Variants in ROBO2 observed in about 807,000 individuals in gnomAD.
ROBO2 encodes roundabout guidance receptor 2, also known as roundabout homolog 2.
Under a neutral mutation model 160.8 loss-of-function variants are expected in ROBO2, and 53 were observed. The ratio of observed to expected loss-of-function variants is 0.33; its 90% confidence interval spans 0.26 to 0.41. The LOEUF (loss-of-function observed/expected upper bound fraction) is 0.41, where lower values mean the gene tolerates loss of function less well. Ranked by LOEUF, ROBO2 falls within the 10% of genes least tolerant of loss-of-function variation. The probability of loss-of-function intolerance (pLI) is 1.00; values close to 1 mark genes in which losing one functional copy is unlikely to be tolerated. For missense variants in ROBO2, 1,577 were observed against 1,722.4 expected, an observed-to-expected ratio of 0.92 and a Z score of 1.49; for synonymous variants, 664 against 611.7, an observed-to-expected ratio of 1.09 and a Z score of -1.26.
intron 1 of ROBO2, among the ~76,000 whole-genome samples, chr3:77,085,248 G>T (rs1020493613): frequency 6.6e-6 from 1 of 152,048 alleles, no homozygotes; most frequent in Admixed American, 6.6e-5. Flanking sequence ...TATTAAAGAC[G>T]TAAATTTATA....
At chr3:77,222,628 C>A (rs559367863) in intron 2 of ROBO2, among the ~76,000 whole-genome samples, 1 of 152,172 alleles carries the variant, frequency 6.6e-6, no homozygotes, top group Non-Finnish European at 1.5e-5. Flanking sequence ...TTGGAAACAA[C>A]TGCTGTTCAA....
chr3:76,060,701 TG>T (rs1433164331), intron 2 of ROBO2, among the ~76,000 whole-genome samples: 2 of 152,206 alleles, frequency 1.3e-5, no homozygotes, highest in African/African-American at 4.8e-5. Context: ...TTGCTTAAGG[TG>T]TCACACCAAT....
intron 2 of ROBO2, among the ~76,000 whole-genome samples, chr3:76,840,653 AT>A (rs2068159985): frequency 1.3e-5 from 1 of 79,422 alleles, no homozygotes. Flanking sequence ...TTTTATATAT[AT>A]ATATATATAT....
chr3:76,231,521 A>G (rs1704620568), intron 2 of ROBO2, among the ~76,000 whole-genome samples: 2 of 152,148 alleles, frequency 1.3e-5, no homozygotes, highest in African/African-American at 2.4e-5. Flanking sequence ...CTCTTCTGAA[A>G]TTGCCCATTC....
chr3:76,047,593 G>A (rs543808839), intron 2 of ROBO2, among the ~76,000 whole-genome samples: 4 of 152,308 alleles, frequency 2.6e-5, no homozygotes, highest in East Asian at 1.9e-4. Flanking sequence ...GGATTTCTGC[G>A]TGATGACAAG....
intron 2 of ROBO2, among the ~76,000 whole-genome samples, chr3:76,784,470 G>T (rs930400040): frequency 1.3e-5 from 2 of 151,132 alleles, no homozygotes; most frequent in African/African-American, 4.8e-5. Flanking sequence ...ATTTAAACTA[G>T]CATGCCTTCT....
intron 1 of ROBO2, among the ~76,000 whole-genome samples, chr3:77,060,275 G>A (rs1316099845): frequency 6.6e-6 from 1 of 152,122 alleles, no homozygotes; most frequent in Non-Finnish European, 1.5e-5. Context: ...TCCAGCTCAT[G>A]GCATTTCAGG....
intron 2 of ROBO2, among the ~76,000 whole-genome samples, chr3:77,393,092 C>T (rs112548103): frequency 1.1e-4 from 17 of 152,090 alleles, no homozygotes; most frequent in Middle Eastern, 6.8e-3. Context: ...ATATTTTAAA[C>T]CATATTTAAG....
chr3:75,922,496 CAT>C (rs576477848), intron 1 of ROBO2, among the ~76,000 whole-genome samples: 25 of 151,966 alleles, frequency 1.6e-4, no homozygotes, highest in Non-Finnish European at 3.5e-4. Context: ...ATTCACTTGA[CAT>C]ATTTAAAATA....
At chr3:77,023,098 ACATGTTGTGGG>A (rs2149515257) in intron 2 of ROBO2, among the ~76,000 whole-genome samples, 1 of 152,212 alleles carries the variant, frequency 6.6e-6, no homozygotes, top group African/African-American at 2.4e-5. Flanking sequence ...CAGAATTCCC[ACATGTTGTGGG>A]AGGGACCCAG....
chr3:76,289,457 G>C (rs1181621687), intron 2 of ROBO2, among the ~76,000 whole-genome samples: 1 of 152,050 alleles, frequency 6.6e-6, no homozygotes, highest in Non-Finnish European at 1.5e-5. Context: ...TTATTCTGCT[G>C]ATAGCTTTGT....
chr3:76,992,445 A>G (rs2149377505), intron 2 of ROBO2, among the ~76,000 whole-genome samples: 1 of 150,858 alleles, frequency 6.6e-6, no homozygotes, highest in South Asian at 2.1e-4. Flanking sequence ...CACATCAGTT[A>G]CCATTACTGA....
chr3:76,790,688 AT>A (rs2063301572), intron 2 of ROBO2, among the ~76,000 whole-genome samples: 1 of 151,750 alleles, frequency 6.6e-6, no homozygotes, highest in African/African-American at 2.4e-5. Flanking sequence ...ATATATTACT[AT>A]TTTAAAAGAA....
chr3:75,930,950 A>G (rs1050749824), intron 1 of ROBO2, among the ~76,000 whole-genome samples: 3 of 152,204 alleles, frequency 2.0e-5, no homozygotes, highest in Non-Finnish European at 2.9e-5. Flanking sequence ...TGTTAGCTAC[A>G]TAGAAACCAA....
chr3:76,030,685 G>A (rs1340925374), intron 2 of ROBO2, among the ~76,000 whole-genome samples: 1 of 152,138 alleles, frequency 6.6e-6, no homozygotes, highest in Non-Finnish European at 1.5e-5. Context: ...GTAGATGTGT[G>A]ATGTTATTTC....
At chr3:76,314,420 G>T (rs542979112) in intron 2 of ROBO2, among the ~76,000 whole-genome samples, 1 of 151,912 alleles carries the variant, frequency 6.6e-6, no homozygotes, top group South Asian at 2.1e-4. Flanking sequence ...ACAACAAAAA[G>T]GAAGTTATAT....
At chr3:76,576,434 A>G (rs1414671084) in intron 2 of ROBO2, among the ~76,000 whole-genome samples, 1 of 151,998 alleles carries the variant, frequency 6.6e-6, no homozygotes, top group Non-Finnish European at 1.5e-5. Context: ...ACCCTATATA[A>G]GCTTTAAATC....
intron 2 of ROBO2, among the ~76,000 whole-genome samples, chr3:76,932,439 CACAT>C (rs901062087): frequency 2.0e-5 from 3 of 151,922 alleles, no homozygotes; most frequent in Admixed American, 6.6e-5. Context: ...CACACACACA[CACAT>C]ACACGTGTCA....
At chr3:77,401,318 T>A in intron 2 of ROBO2, among the ~76,000 whole-genome samples, 1 of 152,080 alleles carries the variant, frequency 6.6e-6, no homozygotes, top group Admixed American at 6.6e-5. Context: ...AAGAGGATTT[T>A]GTTTATCTTT....
Sources: allele counts gnomAD v4.1 joint callset (sites outside exome capture counted in the v4.1 genomes callset), GRCh38; gene constraint gnomAD v4.1.1; transcripts MANE v1.5; gene names NCBI Gene and HGNC (gene_info 2026-07-23, HGNC 2026-07-21).